The following KIF6 variants were observed in gnomAD, a reference collection of about 807,000 sequenced individuals.
KIF6 encodes kinesin family member 6.
Under a neutral mutation model 112.7 loss-of-function variants are expected in KIF6, and 106 were observed. That is an observed-to-expected ratio of 0.94 (90% CI 0.80 to 1.11). The LOEUF is 1.11. Ranked by LOEUF, KIF6 falls within the 50% of genes least tolerant of loss-of-function variation. The pLI, the probability that KIF6 is intolerant of heterozygous loss-of-function variation, is 0.00. For missense variants in KIF6, 929 were observed against 964.0 expected (o/e 0.96, Z 0.48); for synonymous variants, 339 against 339.9 (o/e 1.00, Z 0.03).
chr6:39,462,208 C>G (rs932810246), intron 13 of KIF6, among the ~76,000 whole-genome samples: 11 of 152,110 alleles, frequency 7.2e-5, no homozygotes, highest in Admixed American at 7.2e-4. Context: ...GAGGGGTATT[C>G]TTGGAAGGCT....
At chr6:39,711,776 G>T (rs1211554701) in intron 3 of KIF6, among the ~76,000 whole-genome samples, 4 of 152,160 alleles carry the variant, frequency 2.6e-5, no homozygotes, top group African/African-American at 9.6e-5. Flanking sequence ...TAAAATAAAC[G>T]TTAATAAAAA....
At chr6:39,482,661 A>C (rs944988993) in intron 13 of KIF6, among the ~76,000 whole-genome samples, 1 of 152,158 alleles carries the variant, frequency 6.6e-6, no homozygotes, top group African/African-American at 2.4e-5. Context: ...ACTGATAATG[A>C]ATACATAATT....
intron 3 of KIF6, among the ~76,000 whole-genome samples, chr6:39,656,029 A>G (rs1365078430): frequency 6.6e-6 from 1 of 152,218 alleles, no homozygotes; most frequent in Non-Finnish European, 1.5e-5. Flanking sequence ...TCAGTGATAC[A>G]CTGACTTAGG....
At chr6:39,433,079 T>C (rs1048166728) in intron 13 of KIF6, among the ~76,000 whole-genome samples, 7 of 151,922 alleles carry the variant, frequency 4.6e-5, no homozygotes, top group African/African-American at 1.7e-4. Context: ...TCTGCAGAGC[T>C]GACTGTGAAT....
intron 10 of KIF6, among the ~76,000 whole-genome samples, chr6:39,572,624 T>A (rs1001179549): frequency 1.3e-5 from 2 of 149,646 alleles, no homozygotes; most frequent in African/African-American, 4.9e-5. Context: ...TGGGTCAGGA[T>A]ACAATGCTTC....
At chr6:39,569,053 A>T (rs952949424) in intron 10 of KIF6, among the ~76,000 whole-genome samples, 4 of 152,106 alleles carry the variant, frequency 2.6e-5, no homozygotes, top group Admixed American at 2.6e-4. Flanking sequence ...CTGCCTTTAC[A>T]GTGAAGATTC....
intron 13 of KIF6, among the ~76,000 whole-genome samples, chr6:39,492,803 C>A (rs1581972911): frequency 6.6e-6 from 1 of 152,136 alleles, no homozygotes; most frequent in Admixed American, 6.5e-5. Context: ...AGGAACAACA[C>A]CTGGACTTGA....
chr6:39,652,057 C>A lies in KIF6; in HGVS notation c.252-12300G>T, dbSNP rs941269995. Among the ~76,000 whole-genome samples, 7 of 151,850 alleles carry A rather than the reference C, an allele frequency of 4.6e-5. No individual in the cohort carries two copies. The East Asian group carries it at 1.4e-3, about 29-fold the overall frequency. On this transcript the variant is annotated intron_variant, in intron 3 of 22. Coordinates refer to ENST00000287152, the MANE Select transcript of KIF6 (RefSeq NM_145027.6). ...GATGATGAAATCAGTCTTGGCTGGG[C>A]AAAAATCACACGAGGAGTCTTCTAG...
At chr6:39,366,736 A>C (rs1357376409) in intron 16 of KIF6, among the ~76,000 whole-genome samples, 2 of 152,138 alleles carry the variant, frequency 1.3e-5, no homozygotes, top group African/African-American at 4.8e-5. Context: ...GCGGTTGGGA[A>C]GGGAAATCGT....
chr6:39,376,310 C>A (rs193129630), intron 16 of KIF6, among the ~76,000 whole-genome samples: 1 of 152,152 alleles, frequency 6.6e-6, no homozygotes, highest in Non-Finnish European at 1.5e-5. Flanking sequence ...ACCAAGGTTG[C>A]GAGTGTTTTC....
At position 39,668,038 on chromosome 6, in the gene KIF6, T is replaced by A. The variant is rs191053609; in HGVS notation, c.252-28281A>T. Among the ~76,000 whole-genome samples the A allele has an allele frequency of 3.2e-4, 48 of 152,180 alleles. No individual in the cohort carries two copies. In the East Asian group the frequency reaches 7.8e-3, roughly 25 times the overall value. ...TGCCCCTCTTTCTCTTACTCCAGCT[T>A]TTTTCACAGAAGACACCAGCTCCCC... On this transcript the variant is annotated intron_variant, in intron 3 of 22. Transcript: ENST00000287152.
chr6:39,583,522 G>A (rs1305255952), intron 9 of KIF6: 1 of 470,862 alleles, frequency 2.1e-6, no homozygotes, highest in Admixed American at 2.4e-5. Flanking sequence ...TTATTCCTTT[G>A]TCCTCCTTCC....
chr6:39,712,689 C>T (rs1052793067), intron 3 of KIF6, among the ~76,000 whole-genome samples: 11 of 152,008 alleles, frequency 7.2e-5, no homozygotes, highest in African/African-American at 2.4e-4. Flanking sequence ...ATGGTGAAAC[C>T]CCATCTCACA....
At position 39,420,012 on chromosome 6, in the gene KIF6, G is replaced by GA. The variant is rs758776193; in HGVS notation, c.1755-10dup. 1 of 1,598,816 alleles carries GA rather than the reference G, an allele frequency of 6.3e-7. No homozygotes were observed. Among genetic ancestry groups the GA allele is most frequent in the Non-Finnish European group, 8.6e-7 (1 of 1,167,524 alleles). ...CCTTGGCTTCAGAAAATCTGGAGGG[G>GA]AAAAAAATGAAAATTGTAGTTTTTC... On this transcript the variant is annotated splice_polypyrimidine_tract_variant and intron_variant, in intron 14 of 22. Transcript: ENST00000287152.
chr6:39,530,257 G>A (rs145294460), intron 13 of KIF6, among the ~76,000 whole-genome samples: 2 of 152,308 alleles, frequency 1.3e-5, no homozygotes, highest in South Asian at 2.1e-4. Context: ...CTTTTAAAAT[G>A]CCAATGGCAT....
chr6:39,548,231 A>C (rs1187423599), intron 10 of KIF6, among the ~76,000 whole-genome samples: 1 of 152,202 alleles, frequency 6.6e-6, no homozygotes, highest in Non-Finnish European at 1.5e-5. Flanking sequence ...GTGGACTCCT[A>C]GCTCAGAAGG....
intron 17 of KIF6, among the ~76,000 whole-genome samples, chr6:39,361,035 A>G (rs73735510): frequency 0.011 from 1,701 of 152,320 alleles, 34 homozygotes; most frequent in African/African-American, 0.039. Context: ...CCACAGTCTT[A>G]ACTGCCTCAC....
intron 13 of KIF6, among the ~76,000 whole-genome samples, chr6:39,522,278 A>G (rs545786513): frequency 6.6e-6 from 1 of 152,236 alleles, no homozygotes; most frequent in Admixed American, 6.5e-5. Flanking sequence ...GAGATTTGTA[A>G]CATTTGGTCC....
At chr6:39,671,401 T>C (rs1488068273) in intron 3 of KIF6, among the ~76,000 whole-genome samples, 6 of 152,322 alleles carry the variant, frequency 3.9e-5, no homozygotes, top group African/African-American at 1.4e-4. Flanking sequence ...CTAGTGATAA[T>C]AATATCCAAC....
Sources: gnomAD v4.1 joint callset for allele counts (sites outside exome capture counted in the v4.1 genomes callset) on GRCh38, gnomAD v4.1.1 for gene constraint, MANE v1.5 for transcripts, NCBI Gene and HGNC (gene_info 2026-07-23, HGNC 2026-07-21) for gene names.